Variants in GPBP1 observed in about 807,000 individuals in gnomAD.
GPBP1 encodes GC-rich promoter binding protein 1.
GPBP1 carries 13 observed loss-of-function variants against 56.5 expected under a neutral mutation model. The observed-to-expected ratio is 0.23, with a 90% CI of 0.15 to 0.37. The LOEUF (loss-of-function observed/expected upper bound fraction) is 0.37, where lower values mean the gene tolerates loss of function less well. GPBP1 is among the 10% of genes least tolerant of loss of function. GPBP1 has a pLI of 1.00. For synonymous variants in GPBP1, 204 were observed against 188.9 expected, an observed-to-expected ratio of 1.08 and a Z score of -0.66; for missense variants, 477 against 572.3, an observed-to-expected ratio of 0.83 and a Z score of 1.70.
intron 2 of GPBP1, among the ~76,000 whole-genome samples, chr5:57,191,749 A>G (rs1279253992): frequency 6.6e-6 from 1 of 151,912 alleles, no homozygotes; most frequent in African/African-American, 2.4e-5. Flanking sequence ...TTTAGTAGAG[A>G]CGAGGTTTCA....
At chr5:57,246,934 T>A (rs1214814192) in intron 7 of GPBP1, 141 bp from the exon 8 acceptor site, 4 of 560,406 alleles carry the variant, frequency 7.1e-6, no homozygotes, top group Admixed American at 3.7e-5. Flanking sequence ...GAGAACTATG[T>A]AGGAATAATG....
chr5:57,189,382 G>A (rs1195977645), intron 2 of GPBP1, among the ~76,000 whole-genome samples: 1 of 152,206 alleles, frequency 6.6e-6, no homozygotes, highest in Non-Finnish European at 1.5e-5. Flanking sequence ...GCCTCCCAAA[G>A]TGTTGGGATT....
chr5:57,206,068 T>G (rs970413062), intron 2 of GPBP1, among the ~76,000 whole-genome samples: 1 of 152,154 alleles, frequency 6.6e-6, no homozygotes, highest in South Asian at 2.1e-4. Context: ...ATTTGGCCCT[T>G]TGTACATTTT....
intron 11 of GPBP1, 84 bp downstream of exon 11, chr5:57,261,366 G>C: frequency 6.5e-6 from 5 of 766,926 alleles, no homozygotes; most frequent in Non-Finnish European, 1.1e-5. Flanking sequence ...TGGAGTGGGG[G>C]AGATTTAGGA....
At chr5:57,178,343 G>T (rs574720124) in intron 2 of GPBP1, among the ~76,000 whole-genome samples, 2 of 152,242 alleles carry the variant, frequency 1.3e-5, no homozygotes, top group South Asian at 4.1e-4. Flanking sequence ...CGCCTCCTGG[G>T]TTCAAGCGAT....
intron 3 of GPBP1, among the ~76,000 whole-genome samples, chr5:57,214,939 G>A (rs1755642289): frequency 6.6e-6 from 1 of 152,190 alleles, no homozygotes; most frequent in Admixed American, 6.5e-5. Context: ...TGGGATTACA[G>A]GCATGCGCCA....
chr5:57,261,169 C>T lies in GPBP1; in HGVS notation c.1161-11C>T. On this transcript the variant is annotated splice_polypyrimidine_tract_variant and intron_variant, in intron 10 of 11. Transcript: ENST00000506184. ...AGCTTTACATTAAACTTAATTTCCT[C>T]TCCTTTTCAGATTGTTAAAGGAAAT... 2 of 1,555,374 alleles carry T rather than the reference C, an allele frequency of 1.3e-6. No individual in the cohort carries two copies. The highest frequency in any genetic ancestry group is 1.7e-4 in the Middle Eastern group (1 of 5,930).
At chr5:57,248,473 G>A (rs527708206) in intron 8 of GPBP1, among the ~76,000 whole-genome samples, 1 of 142,684 alleles carries the variant, frequency 7.0e-6, no homozygotes, top group Admixed American at 7.2e-5. Flanking sequence ...TGTCGCCCAG[G>A]CTGGAGTGCA....
At chr5:57,232,249 A>G (rs1756493491) in intron 5 of GPBP1, among the ~76,000 whole-genome samples, 1 of 152,166 alleles carries the variant, frequency 6.6e-6, no homozygotes, top group Non-Finnish European at 1.5e-5. Context: ...CGGCCTCCCA[A>G]AGGGCTGGGA....
chr5:57,237,219 A>G, intron 6 of GPBP1: 1 of 1,215,878 alleles, frequency 8.2e-7, no homozygotes, highest in Non-Finnish European at 1.2e-6. Flanking sequence ...CTGATTGCAT[A>G]AGAATATAGA....
intron 5 of GPBP1, among the ~76,000 whole-genome samples, chr5:57,235,143 C>T (rs1432043327): frequency 6.6e-6 from 1 of 152,026 alleles, no homozygotes; most frequent in Non-Finnish European, 1.5e-5. Context: ...TCCGTCTGTA[C>T]TAAAAATACA....
rs1466294118 is a variant in GPBP1 at position 57,264,074 on chromosome 5, C to T, written c.*1322C>T. On this transcript the variant is annotated 3_prime_UTR_variant, in exon 12 of 12. Transcript: ENST00000506184. Reference sequence around the variant, plus strand: ...GTTTTTGCTATTTCTGCATAAATACCCTACCTGGACTCCCCAGTTTTCACC... The same window carrying T: ...GTTTTTGCTATTTCTGCATAAATACTCTACCTGGACTCCCCAGTTTTCACC... 3 of 151,616 alleles carry T rather than the reference C, an allele frequency of 2.0e-5. No individual in the cohort carries two copies. The highest frequency in any genetic ancestry group is 1.9e-4 in the East Asian group (1 of 5,172). 9.4% of individuals were successfully genotyped at this position (151,616 alleles called of 1,614,324 possible).
chr5:57,198,699 AT>A (rs1401783749), intron 2 of GPBP1, among the ~76,000 whole-genome samples: 1 of 152,144 alleles, frequency 6.6e-6, no homozygotes, highest in East Asian at 1.9e-4. Context: ...AAATACAAAC[AT>A]TAGCCGAGCA....
At chr5:57,189,799 G>GTC (rs1754440156) in intron 2 of GPBP1, among the ~76,000 whole-genome samples, 1 of 152,120 alleles carries the variant, frequency 6.6e-6, no homozygotes, top group South Asian at 2.1e-4. Flanking sequence ...CTTGCTTACT[G>GTC]TCTTACTGGC....
Position 57,229,314 on chromosome 5 carries a change from A to G in GPBP1, c.64-1532A>G, listed in dbSNP as rs550551048. Reference sequence around the variant, plus strand: ...CCTTACTGTCATTATATATTGGCCAATGGGCAAGAGGTGCCAGCTTTGTTC... The same window carrying G: ...CCTTACTGTCATTATATATTGGCCAGTGGGCAAGAGGTGCCAGCTTTGTTC... On this transcript the variant is annotated intron_variant, in intron 3 of 11. Coordinates refer to ENST00000506184, the MANE Select transcript of GPBP1 (RefSeq NM_022913.4). 1.4e-4 allele frequency among the ~76,000 whole-genome samples: 21 copies of G among 147,218 alleles called. No individual in the cohort carries two copies. In the South Asian group the frequency reaches 1.7e-3, roughly 12 times the overall value.
intron 3 of GPBP1, chr5:57,221,372 A>C: frequency 6.5e-7 from 1 of 1,531,022 alleles, no homozygotes; most frequent in Non-Finnish European, 8.8e-7. Flanking sequence ...TCATTTGTTA[A>C]TAGGTCCTGA....
intron 3 of GPBP1, among the ~76,000 whole-genome samples, chr5:57,227,540 C>A (rs1319962364): frequency 6.6e-6 from 1 of 152,158 alleles, no homozygotes. Flanking sequence ...ATCTTGACTA[C>A]ACTTTGCATG....
At chr5:57,205,295 G>T (rs1482038433) in intron 2 of GPBP1, among the ~76,000 whole-genome samples, 1 of 152,084 alleles carries the variant, frequency 6.6e-6, no homozygotes, top group African/African-American at 2.4e-5. Context: ...CGATTTCATT[G>T]TGTATGCCAC....
At chr5:57,235,899 G>T in intron 5 of GPBP1, 67 bp from the exon 6 acceptor site, 1 of 1,111,322 alleles carries the variant, frequency 9.0e-7, no homozygotes, top group Non-Finnish European at 1.4e-6. Flanking sequence ...CAACATGTAT[G>T]ATTCTGAGAT....
Sources: gnomAD v4.1 joint callset for allele counts (sites outside exome capture counted in the v4.1 genomes callset) on GRCh38, gnomAD v4.1.1 for gene constraint, MANE v1.5 for transcripts, NCBI Gene and HGNC (gene_info 2026-07-23, HGNC 2026-07-21) for gene names.